The following NRL variants were observed in gnomAD, a reference collection of about 807,000 sequenced individuals.
The protein encoded by NRL is neural retina leucine zipper.
A neutral mutation model predicts 12.5 loss-of-function variants in NRL; 16 were observed. That is an observed-to-expected ratio of 1.28 (90% CI 0.87 to 1.95). NRL has a LOEUF of 1.95. Among genes scored for constraint, NRL ranks in the 30% most tolerant of loss-of-function variants. The pLI, the probability that NRL is intolerant of heterozygous loss-of-function variation, is 0.00. For synonymous variants in NRL, 142 were observed against 150.9 expected, an observed-to-expected ratio of 0.94 and a Z score of 0.43; for missense variants, 314 against 325.8, an observed-to-expected ratio of 0.96 and a Z score of 0.28.
At chr14:24,082,135 T>A in intron 2 of NRL, 1 of 1,220,674 alleles carries the variant, frequency 8.2e-7, no homozygotes, top group Non-Finnish European at 1.1e-6. Flanking sequence ...ACTCCACACA[T>A]AACCCTTTCC....
chr14:24,088,054 G>T (rs1191443868), intron 1 of NRL, among the ~76,000 whole-genome samples: 1 of 152,102 alleles, frequency 6.6e-6, no homozygotes, highest in Non-Finnish European at 1.5e-5. Context: ...ATAAATTATT[G>T]TCCTTAGGCC....
chr14:24,103,607 G>A (rs564199099), intron 1 of NRL: 46 of 1,612,742 alleles, frequency 2.9e-5, no homozygotes, highest in Non-Finnish European at 3.9e-5. Flanking sequence ...AAGGGCGCAA[G>A]GGGGCCCAGC....
Position 24,081,766 on chromosome 14 carries a change from A to C in NRL, c.382-198T>G, listed in dbSNP as rs2036316621. On this transcript the variant is annotated intron_variant, in intron 2 of 2. Transcript: ENST00000561028. This position sits in a 1 kb window ranked among gnomAD's most constrained non-coding sequence, Gnocchi z 4.4. Reference sequence around the variant, plus strand: ...CGACGCTCCCCGGGCCCCCCAGCTGACCGTTGCTCCAGTCAGGCGGGCGCC... The same window carrying C: ...CGACGCTCCCCGGGCCCCCCAGCTGCCCGTTGCTCCAGTCAGGCGGGCGCC... 6.6e-7 allele frequency: 1 copy of C among 1,516,572 alleles called. No individual in the cohort carries two copies. Among genetic ancestry groups the C allele is most frequent in the African/African-American group, 1.4e-5 (1 of 71,856 alleles). 93.9% of individuals were successfully genotyped at this position (1,516,572 alleles called of 1,614,324 possible).
chr14:24,086,213 CA>C (rs1414487747), intron 1 of NRL, among the ~76,000 whole-genome samples: 6 of 146,732 alleles, frequency 4.1e-5, no homozygotes, highest in Non-Finnish European at 4.5e-5. Flanking sequence ...GACTCCATCT[CA>C]AAAAAAAAAG....
At chr14:24,109,744 G>A (rs1208729121) in intron 1 of NRL, among the ~76,000 whole-genome samples, 5 of 150,750 alleles carry the variant, frequency 3.3e-5, no homozygotes, top group African/African-American at 1.2e-4. Flanking sequence ...ATTAATCAAT[G>A]AATCCAGTGA....
intron 1 of NRL, among the ~76,000 whole-genome samples, chr14:24,108,286 G>A (rs1036412831): frequency 1.9e-4 from 29 of 152,212 alleles, no homozygotes; most frequent in African/African-American, 6.7e-4. Context: ...GGTGGATAGC[G>A]ACAGAAGATA....
intron 1 of NRL, chr14:24,096,950 C>T: frequency 6.2e-7 from 1 of 1,613,650 alleles, no homozygotes; most frequent in Non-Finnish European, 8.5e-7. Context: ...CATCCAGACC[C>T]TGCGAGTGCT....
At position 24,099,101 on chromosome 14, in the gene NRL, C is replaced by T. The variant is rs1320018785; in HGVS notation, c.-28+15621G>A. Reference sequence around the variant, plus strand: ...ACCCAGAGAAAACCCTGATTGGCCACGTGCCCGACCAGCGGGAGATCATCT... The same window carrying T: ...ACCCAGAGAAAACCCTGATTGGCCATGTGCCCGACCAGCGGGAGATCATCT... On this transcript the variant is annotated intron_variant, in intron 1 of 2. Coordinates refer to ENST00000561028, the MANE Select transcript of NRL (RefSeq NM_001354768.3). The T allele has an allele frequency of 3.7e-6, 6 of 1,611,848 alleles. No individual in the cohort carries two copies. Among genetic ancestry groups the T allele is most frequent in the Middle Eastern group, 1.7e-4 (1 of 6,056 alleles).
chr14:24,103,663 G>A, intron 1 of NRL: 3 of 1,614,204 alleles, frequency 1.9e-6, no homozygotes, highest in Non-Finnish European at 1.7e-6. Context: ...GACGAGGCAG[G>A]GCACTTCCTG....
intron 1 of NRL, among the ~76,000 whole-genome samples, chr14:24,105,587 ATAG>A (rs1033735016): frequency 2.6e-5 from 4 of 152,256 alleles, no homozygotes; most frequent in African/African-American, 9.6e-5. Context: ...CATGTCTTTC[ATAG>A]TAGTATAGAC....
chr14:24,097,564 C>CA (rs61077083), intron 1 of NRL, among the ~76,000 whole-genome samples: 14 of 138,922 alleles, frequency 1.0e-4, no homozygotes, highest in Admixed American at 2.9e-4. Flanking sequence ...AACTCTGTCT[C>CA]AAAAAAAAAA....
chr14:24,080,359 G>A lies in NRL; in HGVS notation c.*877C>T, dbSNP rs2036242819. 1 of 152,240 alleles carries A rather than the reference G, an allele frequency of 6.6e-6. No individual in the cohort carries two copies. The highest frequency in any genetic ancestry group is 1.5e-5 in the Non-Finnish European group (1 of 68,060). 9.4% of individuals were successfully genotyped at this position (152,240 alleles called of 1,614,324 possible). ...ACAGAGAAGCCAGGCTTCCTCGCCT[G>A]GGCTGTGCATCCCCTGCCTAGGCTG... On this transcript the variant is annotated 3_prime_UTR_variant, in exon 3 of 3. Transcript: ENST00000561028.
intron 1 of NRL, among the ~76,000 whole-genome samples, chr14:24,086,563 T>C (rs1165289456): frequency 6.6e-6 from 1 of 152,188 alleles, no homozygotes; most frequent in Non-Finnish European, 1.5e-5. Context: ...CCCACACACA[T>C]GCCCATGGAA....
In NRL at chr14:24,094,677, G is replaced by C. The variant is rs768693495; in HGVS notation, c.-27-11802C>G. ...CTGCCTCGCTCGCCTCTGACCGCGC[G>C]ATCTCTATCTGCCACTCTCAGAACT... On this transcript the variant is annotated intron_variant, in intron 1 of 2. Transcript: ENST00000561028. The surrounding 1 kb of genome is among the most constrained non-coding windows in gnomAD (Gnocchi z 4.1). The C allele has an allele frequency of 1.3e-6, 2 of 1,516,654 alleles. No individual in the cohort carries two copies. Among genetic ancestry groups the C allele is most frequent in the African/African-American group, 1.4e-5 (1 of 72,594 alleles). The allele number at this position is 1,516,654 out of a possible 1,614,324, so 93.9% of individuals were successfully genotyped here.
chr14:24,081,208 C>G lies in NRL; in HGVS notation c.*28G>C. On this transcript the variant is annotated 3_prime_UTR_variant, in exon 3 of 3. Coordinates refer to ENST00000561028, the MANE Select transcript of NRL (RefSeq NM_001354768.3). The surrounding 1 kb of genome is among the most constrained non-coding windows in gnomAD (Gnocchi z 4.4). ...GGGCGGAGCCACCCCACCCAGCCCC[C>G]ACTACACCACAAGGTGCTCTGAACG... The G allele has an allele frequency of 7.1e-7, 1 of 1,411,450 alleles. No individual in the cohort carries two copies. Among genetic ancestry groups the G allele is most frequent in the Non-Finnish European group, 9.3e-7 (1 of 1,074,338 alleles). The allele number at this position is 1,411,450 out of a possible 1,614,324, so 87.4% of individuals were successfully genotyped here.
rs2036453179 is a variant in NRL, at chr14:24,085,830, A to G, written c.-27-2955T>C. Among the ~76,000 whole-genome samples, 1 of 152,238 alleles carries G rather than the reference A, an allele frequency of 6.6e-6. No individual in the cohort carries two copies. Among genetic ancestry groups the G allele is most frequent in the Admixed American group, 6.5e-5 (1 of 15,292 alleles). ...CATATCACCTGGGAACTTGCTAGAAATACATGTTACCTGATCTCACCTTAA... is the reference window on the plus strand; with the variant it reads ...CATATCACCTGGGAACTTGCTAGAAGTACATGTTACCTGATCTCACCTTAA... On this transcript the variant is annotated intron_variant, in intron 1 of 2. Coordinates refer to ENST00000561028, the MANE Select transcript of NRL (RefSeq NM_001354768.3). This position sits in a 1 kb window ranked among gnomAD's most constrained non-coding sequence, Gnocchi z 4.1.
At chr14:24,101,633 C>T (rs767194271) in intron 1 of NRL, among the ~76,000 whole-genome samples, 9 of 152,196 alleles carry the variant, frequency 5.9e-5, no homozygotes, top group Non-Finnish European at 1.3e-4. Flanking sequence ...GCTTTAAAAT[C>T]AATTCCTTGC....
Position 24,082,537 on chromosome 14 carries a change from TG to T in NRL, c.311del (p.Pro104GlnfsTer42). Reference protein sequence around the residue: ...EAMELLQGQGPVPVDGPHGYY... With the variant: ...EAMELLQGQGXVPVDGPHGYY... Reference sequence around the variant, plus strand: ...AGCCATGGGGCCCATCAACAGGGACTGGGCCCTGACCCTGCAGCAGCTCCAT... The same window carrying T: ...AGCCATGGGGCCCATCAACAGGGACTGGCCCTGACCCTGCAGCAGCTCCAT... On this transcript the variant is annotated frameshift_variant, in exon 2 of 3. Transcript: ENST00000561028. LOFTEE classifies it high-confidence loss of function. 1.2e-6 allele frequency: 2 copies of T among 1,613,488 alleles called. No homozygotes were observed. Among genetic ancestry groups the T allele is most frequent in the Non-Finnish European group, 1.7e-6 (2 of 1,180,032 alleles).
intron 1 of NRL, chr14:24,099,813 A>C: frequency 1.3e-6 from 2 of 1,513,312 alleles, no homozygotes; most frequent in South Asian, 2.3e-5. Context: ...GTCAGTGAGA[A>C]AGTTTCCTGA....
Sources: gnomAD v4.1 joint callset for allele counts (sites outside exome capture counted in the v4.1 genomes callset) on GRCh38, gnomAD v4.1.1 for gene constraint, Gnocchi (gnomAD v3.1) non-coding constraint, MANE v1.5 for transcripts, NCBI Gene and HGNC (gene_info 2026-07-23, HGNC 2026-07-21) for gene names.